The following NFX1 variants were observed in gnomAD, a reference collection of about 807,000 sequenced individuals.
The protein encoded by NFX1 is nuclear transcription factor, X-box binding 1.
NFX1 carries 69 observed loss-of-function variants against 137.2 expected under a neutral mutation model. The ratio of observed to expected loss-of-function variants is 0.50; its 90% CI spans 0.41 to 0.61. The LOEUF is 0.61. NFX1 is among the 20% of genes least tolerant of loss of function. NFX1 has a pLI of 0.00. For missense variants in NFX1, 1,167 were observed against 1,391.0 expected (o/e 0.84, Z 2.56); for synonymous variants, 495 against 474.1 (o/e 1.04, Z -0.57).
intron 19 of NFX1, among the ~76,000 whole-genome samples, chr9:33,358,433 TTTTTTTTAAATTATTATTA>T (rs1279713898): frequency 6.6e-6 from 1 of 151,850 alleles, no homozygotes; most frequent in African/African-American, 2.4e-5. Context: ...CAACTTTTAA[TTTTTTTTAAATTATTATTA>T]TTATTTAATG....
rs368658880 is a variant in NFX1, at chr9:33,344,329, G to A, written c.2344+141G>A. 1.6e-4 allele frequency: 191 copies of A among 1,200,584 alleles called. 2 individuals are homozygous for A. In the East Asian group the frequency reaches 2.2e-3, roughly 14 times the overall value. 74.4% of individuals were successfully genotyped at this position (1,200,584 alleles called of 1,614,324 possible). ...CGGCTCAGGGGCTGGTTCTCTGAAG[G>A]TGGGTCTGTGATCTGGGCCACAGCT... On this transcript the variant is annotated intron_variant, in intron 14 of 23. Coordinates refer to ENST00000379540, the MANE Select transcript of NFX1 (RefSeq NM_002504.6).
At chr9:33,359,681 T>C (rs1347676810) in intron 19 of NFX1, among the ~76,000 whole-genome samples, 2 of 152,194 alleles carry the variant, frequency 1.3e-5, no homozygotes, top group African/African-American at 4.8e-5. Context: ...AAATATGATG[T>C]CTGCAGTAAG....
intron 10 of NFX1, among the ~76,000 whole-genome samples, chr9:33,329,754 A>AT (rs1346051840): frequency 6.6e-6 from 1 of 151,662 alleles, no homozygotes; most frequent in Non-Finnish European, 1.5e-5. Context: ...CACCTCCCAG[A>AT]TTCAAGTGAT....
chr9:33,354,390 C>T (rs1823745342), intron 18 of NFX1, among the ~76,000 whole-genome samples: 1 of 152,188 alleles, frequency 6.6e-6, no homozygotes, highest in Admixed American at 6.5e-5. Flanking sequence ...GAGACTTTTC[C>T]AGGCCTCACA....
intron 5 of NFX1, among the ~76,000 whole-genome samples, chr9:33,307,794 C>CTTTTTTTTTTTT (rs139468485): frequency 1.2e-5 from 1 of 85,344 alleles, no homozygotes; most frequent in Non-Finnish European, 2.4e-5. Context: ...TTCTTTCTTT[C>CTTTTTTTTTTTT]TTTTTTTTTT....
At chr9:33,331,374 T>G (rs775612952) in intron 10 of NFX1, among the ~76,000 whole-genome samples, 7 of 152,244 alleles carry the variant, frequency 4.6e-5, no homozygotes, top group Non-Finnish European at 1.0e-4. Context: ...GTATGCTGTG[T>G]CTATGTCTTC....
chr9:33,291,178 T>C (rs1029192565), intron 1 of NFX1, among the ~76,000 whole-genome samples: 2 of 152,250 alleles, frequency 1.3e-5, no homozygotes, highest in Admixed American at 6.5e-5. Context: ...CCTCAGTGTG[T>C]AGAGACAGCC....
intron 15 of NFX1, among the ~76,000 whole-genome samples, chr9:33,349,544 A>G (rs1438900968): frequency 6.6e-6 from 1 of 152,120 alleles, no homozygotes; most frequent in East Asian, 1.9e-4. Flanking sequence ...CAGGGGGAGA[A>G]GTTGTGTGTC....
intron 9 of NFX1, among the ~76,000 whole-genome samples, chr9:33,327,993 AAAG>A (rs1375435986): frequency 2.6e-5 from 4 of 152,088 alleles, no homozygotes; most frequent in South Asian, 2.1e-4. Flanking sequence ...GCCTGAGGAA[AAAG>A]AAGATTTATT....
intron 4 of NFX1, among the ~76,000 whole-genome samples, chr9:33,305,760 AAAG>A (rs1341080857): frequency 6.6e-6 from 1 of 152,210 alleles, no homozygotes; most frequent in East Asian, 1.9e-4. Context: ...GGGCAGGTCA[AAAG>A]AAGAAGGTCT....
intron 11 of NFX1, among the ~76,000 whole-genome samples, chr9:33,337,079 G>A (rs1345037865): frequency 6.6e-6 from 1 of 152,174 alleles, no homozygotes; most frequent in African/African-American, 2.4e-5. Flanking sequence ...GTCTCATTAT[G>A]TTGGCCAGGC....
chr9:33,295,486 G>C lies in NFX1; in HGVS notation c.1033+59G>C, dbSNP rs1394879271. Reference sequence around the variant, plus strand: ...CTTTTTAATTTAAATTTTTAAATAAGTCATATATTCACATAATTTAGAAAG... The same window carrying C: ...CTTTTTAATTTAAATTTTTAAATAACTCATATATTCACATAATTTAGAAAG... On this transcript the variant is annotated intron_variant, in intron 2 of 23. Transcript: ENST00000379540. The C allele has an allele frequency of 2.0e-6, 3 of 1,481,240 alleles. No individual in the cohort carries two copies. In the East Asian group the frequency reaches 7.3e-5, roughly 36 times the overall value. 91.8% of individuals were successfully genotyped at this position (1,481,240 alleles called of 1,614,324 possible). A position where few individuals can be genotyped will look rare whatever the true frequency, so the allele number is the denominator to read the frequency against.
chr9:33,320,708 T>C (rs1822352973), intron 9 of NFX1, among the ~76,000 whole-genome samples: 2 of 152,176 alleles, frequency 1.3e-5, no homozygotes, highest in African/African-American at 2.4e-5. Context: ...CCTGAGTGGG[T>C]GTTGAAAGGC....
intron 15 of NFX1, among the ~76,000 whole-genome samples, chr9:33,349,780 A>G (rs1004974722): frequency 2.8e-4 from 42 of 152,100 alleles, no homozygotes; most frequent in African/African-American, 1.0e-3. Context: ...ACATGAGGAG[A>G]GTTAAGTATT....
intron 10 of NFX1, among the ~76,000 whole-genome samples, chr9:33,330,430 G>GT (rs1396914199): frequency 1.3e-5 from 2 of 152,020 alleles, no homozygotes; most frequent in Non-Finnish European, 2.9e-5. Flanking sequence ...TCATATATGG[G>GT]TTTTTTCCTG....
chr9:33,313,690 C>G lies in NFX1; in HGVS notation c.1485C>G (p.His495Gln), dbSNP rs200530506. The G allele has an allele frequency of 2.3e-5, 37 of 1,614,030 alleles. No homozygotes were observed. Among genetic ancestry groups the G allele is most frequent in the Non-Finnish European group, 2.1e-5 (25 of 1,179,996 alleles). ...GCTGTGGTCAGGCTGTCTCAGTCCA[C>G]TGTTCTAACCCATGTGAGAATATTT... ...TVRCGQAVSV[H>Q]CSNPCENILN... The change falls in exon 7 of 24, where the codon CAC becomes CAG. Residue 495 changes from histidine to glutamine, a missense_variant. His to Gln is a conservative substitution (Grantham distance 24, BLOSUM62 0). Coordinates refer to ENST00000379540, the MANE Select transcript of NFX1 (RefSeq NM_002504.6).
intron 6 of NFX1, 111 bp from the exon 7 acceptor site, chr9:33,313,543 A>C: frequency 1.9e-5 from 18 of 965,160 alleles, no homozygotes; most frequent in Middle Eastern, 2.6e-4. Context: ...AAATGAAGTT[A>C]GAGAAAGGCT....
At chr9:33,319,259 G>A (rs1822293989) in intron 9 of NFX1, 132 bp downstream of exon 9, 2 of 757,360 alleles carry the variant, frequency 2.6e-6, no homozygotes, top group East Asian at 2.7e-5. Flanking sequence ...TCATATTTAT[G>A]TAGGTACGTT....
intron 19 of NFX1, among the ~76,000 whole-genome samples, chr9:33,358,831 T>G (rs549211777): frequency 3.9e-4 from 59 of 151,738 alleles, no homozygotes; most frequent in Non-Finnish European, 7.5e-4. Context: ...CCAGCTAATT[T>G]TTACATTTTT....
Sources: allele counts gnomAD v4.1 joint callset (sites outside exome capture counted in the v4.1 genomes callset), GRCh38; gene constraint gnomAD v4.1.1; transcripts MANE v1.5; gene names NCBI Gene and HGNC (gene_info 2026-07-23, HGNC 2026-07-21).